Variants in AGMO observed in about 807,000 individuals in gnomAD.
AGMO encodes the protein alkylglycerol monooxygenase.
AGMO carries 75 observed loss-of-function variants against 60.2 expected under a neutral mutation model. That is an observed-to-expected ratio of 1.25 (90% CI 1.03 to 1.51). AGMO has a LOEUF of 1.51. AGMO is among the 40% of genes most tolerant of loss of function. The pLI, the probability that AGMO is intolerant of heterozygous loss-of-function variation, is 0.00. For synonymous variants in AGMO, 261 were observed against 177.1 expected (o/e 1.47, Z -3.76); for missense variants, 763 against 525.5 (o/e 1.45, Z -4.42).
intron 3 of AGMO, among the ~76,000 whole-genome samples, chr7:15,479,474 A>G (rs1249821795): frequency 1.3e-5 from 2 of 152,178 alleles, no homozygotes; most frequent in African/African-American, 2.4e-5. Context: ...TCCTGAGCCA[A>G]TGTTCTTTTC....
At chr7:15,297,053 G>C (rs899502609) in intron 12 of AGMO, among the ~76,000 whole-genome samples, 5 of 144,954 alleles carry the variant, frequency 3.4e-5, no homozygotes, top group Non-Finnish European at 6.1e-5. Context: ...ATCTCTCTCT[G>C]TCTCTCTCTC....
chr7:15,518,984 G>A (rs1190476518), intron 3 of AGMO, among the ~76,000 whole-genome samples: 2 of 151,644 alleles, frequency 1.3e-5, no homozygotes, highest in Non-Finnish European at 2.9e-5. Flanking sequence ...ATGATCTAAT[G>A]GAGCTGAAAA....
chr7:15,409,146 AG>A (rs1784777002), intron 5 of AGMO, among the ~76,000 whole-genome samples: 1 of 148,578 alleles, frequency 6.7e-6, no homozygotes, highest in Admixed American at 6.7e-5. Flanking sequence ...AGTAAGCAAT[AG>A]AACATCACCG....
At chr7:15,233,477 T>C (rs771474927) in intron 12 of AGMO, among the ~76,000 whole-genome samples, 73 of 151,662 alleles carry the variant, frequency 4.8e-4, no homozygotes, top group Non-Finnish European at 9.0e-4. Context: ...AAAAATGATG[T>C]CAGAGAGTAG....
the AGMO span, among the ~76,000 whole-genome samples, chr7:15,182,395 A>C: frequency 6.6e-6 from 1 of 152,186 alleles, no homozygotes; most frequent in African/African-American, 2.4e-5. Context: ...TAGGAAAAAA[A>C]TCAATAATAC....
Position 15,454,164 on chromosome 7 carries a change from G to T in AGMO, c.410-23056C>A, listed in dbSNP as rs376662058. On this transcript the variant is annotated intron_variant, in intron 3 of 12. Coordinates refer to ENST00000342526, the MANE Select transcript of AGMO (RefSeq NM_001004320.2). ...CTAGAAAAGTAAATATATGCTCATT[G>T]TAGAAAATTTGAAAAGTTTAAAAAA... Among the ~76,000 whole-genome samples the T allele has an allele frequency of 4.0e-5, 6 of 151,704 alleles. No homozygotes were observed. The East Asian group carries it at 1.2e-3, about 29-fold the overall frequency.
At chr7:15,368,558 T>C (rs1008693025) in intron 10 of AGMO, among the ~76,000 whole-genome samples, 4 of 152,224 alleles carry the variant, frequency 2.6e-5, no homozygotes, top group East Asian at 1.9e-4. Flanking sequence ...TTTGGTACAT[T>C]TGAAATAAAA....
the AGMO span, among the ~76,000 whole-genome samples, chr7:15,161,549 C>A: frequency 6.6e-6 from 1 of 150,930 alleles, no homozygotes. Context: ...TGCATTAATA[C>A]ATATATACAC....
intron 12 of AGMO, among the ~76,000 whole-genome samples, chr7:15,212,514 A>G (rs949279320): frequency 1.3e-5 from 2 of 151,982 alleles, no homozygotes; most frequent in Non-Finnish European, 2.9e-5. Context: ...AGGTAGAATT[A>G]TCTTTATAAT....
At chr7:15,389,943 G>A (rs79530621) in intron 8 of AGMO, among the ~76,000 whole-genome samples, 3 of 152,142 alleles carry the variant, frequency 2.0e-5, no homozygotes, top group Non-Finnish European at 4.4e-5. Flanking sequence ...ACATGAGCCA[G>A]TAAGTTCCTC....
the AGMO span, among the ~76,000 whole-genome samples, chr7:15,125,613 T>C: frequency 1.3e-5 from 2 of 152,084 alleles, no homozygotes; most frequent in Non-Finnish European, 2.9e-5. Flanking sequence ...GTGTCTTCTG[T>C]TTCTCTTCCA....
intron 3 of AGMO, among the ~76,000 whole-genome samples, chr7:15,513,020 T>G (rs1783715167): frequency 6.6e-6 from 1 of 152,228 alleles, no homozygotes; most frequent in Non-Finnish European, 1.5e-5. Context: ...TTTTGTAATC[T>G]AATTACTTGT....
chr7:15,498,554 A>G (rs1358681397), intron 3 of AGMO, among the ~76,000 whole-genome samples: 1 of 151,988 alleles, frequency 6.6e-6, no homozygotes, highest in East Asian at 1.9e-4. Flanking sequence ...TCATGTTTGT[A>G]TAAGGTATTA....
At chr7:15,408,140 A>C (rs1231810650) in intron 5 of AGMO, among the ~76,000 whole-genome samples, 3 of 151,932 alleles carry the variant, frequency 2.0e-5, no homozygotes, top group African/African-American at 4.8e-5. Flanking sequence ...CAAGTATTTC[A>C]GGAAGCAAAT....
chr7:15,171,287 T>G, the AGMO span, among the ~76,000 whole-genome samples: 2 of 152,170 alleles, frequency 1.3e-5, no homozygotes, highest in Admixed American at 1.3e-4. Context: ...TACCTTGGGT[T>G]ACGGTTTATG....
At chr7:15,556,371 A>T (rs566193089) in intron 2 of AGMO, among the ~76,000 whole-genome samples, 5 of 151,902 alleles carry the variant, frequency 3.3e-5, no homozygotes, top group Non-Finnish European at 7.4e-5. Flanking sequence ...ACCCATATGT[A>T]TTAAAAGTGC....
At chr7:15,497,692 A>T (rs890051965) in intron 3 of AGMO, among the ~76,000 whole-genome samples, 2 of 152,110 alleles carry the variant, frequency 1.3e-5, no homozygotes, top group Admixed American at 1.3e-4. Flanking sequence ...CTAAAATCAT[A>T]TATTTATTAT....
At chr7:15,475,776 A>G (rs989910444) in intron 3 of AGMO, among the ~76,000 whole-genome samples, 2 of 152,078 alleles carry the variant, frequency 1.3e-5, no homozygotes, top group Non-Finnish European at 2.9e-5. Flanking sequence ...TTTAAAATGC[A>G]ACTGAACTAG....
intron 12 of AGMO, among the ~76,000 whole-genome samples, chr7:15,343,433 T>C (rs908018462): frequency 7.2e-5 from 11 of 152,098 alleles, no homozygotes; most frequent in African/African-American, 2.4e-4. Context: ...CAGCCCCAAA[T>C]CTTAGGATTA....
Sources: gnomAD v4.1 joint callset for allele counts (sites outside exome capture counted in the v4.1 genomes callset) on GRCh38, gnomAD v4.1.1 for gene constraint, MANE v1.5 for transcripts, NCBI Gene and HGNC (gene_info 2026-07-23, HGNC 2026-07-21) for gene names.